The following PPP1R10 variants were observed in gnomAD, a reference collection of about 807,000 sequenced individuals.
PPP1R10 encodes the protein protein phosphatase 1 regulatory subunit 10.
PPP1R10 carries 15 observed loss-of-function variants against 99.0 expected under a neutral mutation model. The observed-to-expected ratio is 0.15, with a 90% CI of 0.10 to 0.23. The LOEUF (loss-of-function observed/expected upper bound fraction) is 0.23, where lower values mean the gene tolerates loss of function less well. Among genes scored for constraint, PPP1R10 ranks in the 10% least tolerant of loss-of-function variants. The probability of loss-of-function intolerance (pLI) is 1.00; values close to 1 mark genes in which losing one functional copy is unlikely to be tolerated. For missense variants in PPP1R10, 947 were observed against 1,259.4 expected (o/e 0.75, Z 3.75); for synonymous variants, 430 against 449.5 (o/e 0.96, Z 0.55).
chr6:30,606,454 G>T lies in PPP1R10; in HGVS notation c.634+14C>A. ...ATGCCCATGAACCCTCCAGAGGCCA[G>T]CCGCCAGTCTTACCAGTGGAACGGA... On this transcript the variant is annotated intron_variant, in intron 8 of 19. Transcript: ENST00000376511. This position sits in a 1 kb window ranked among gnomAD's most constrained non-coding sequence, Gnocchi z 6.3. 6.2e-7 allele frequency: 1 copy of T among 1,612,158 alleles called. No individual in the cohort carries two copies. Among genetic ancestry groups the T allele is most frequent in the Non-Finnish European group, 8.5e-7 (1 of 1,179,816 alleles).
Position 30,601,532 on chromosome 6 carries a change from G to A in PPP1R10, c.*17C>T. The A allele has an allele frequency of 6.2e-7, 1 of 1,606,446 alleles. No individual in the cohort carries two copies. Among genetic ancestry groups the A allele is most frequent in the African/African-American group, 1.3e-5 (1 of 74,848 alleles). ...GCAGTCCACAGGGGTTGTGTGAACA[G>A]GGCAGGCAAATGGTCCCTAGGGCAG... On this transcript the variant is annotated 3_prime_UTR_variant, in exon 20 of 20. Transcript: ENST00000376511.
chr6:30,606,296 A>G lies in PPP1R10; in HGVS notation c.635-53T>C. 1 of 1,598,298 alleles carries G rather than the reference A, an allele frequency of 6.3e-7. No homozygotes were observed. Among genetic ancestry groups the G allele is most frequent in the Non-Finnish European group, 8.6e-7 (1 of 1,168,982 alleles). ...CTGAACTCAAACCCCAGACCCCCGA[A>G]TTTTCCTCCCGTTCTCACCCGCAAA... is the stretch of plus-strand genomic sequence containing the variant. On this transcript the variant is annotated intron_variant, in intron 8 of 19. Transcript: ENST00000376511. The surrounding 1 kb of genome is among the most constrained non-coding windows in gnomAD (Gnocchi z 6.3).
Position 30,604,068 on chromosome 6 carries a change from C to A in PPP1R10, c.1448G>T (p.Arg483Leu), listed in dbSNP as rs368122781. 13 of 1,613,786 alleles carry A rather than the reference C, an allele frequency of 8.1e-6. No individual in the cohort carries two copies. The highest frequency in any genetic ancestry group is 1.1e-5 in the Non-Finnish European group (13 of 1,179,902). Residue 483 changes from arginine to leucine, a missense_variant, in exon 14 of 20, where the codon CGA (arginine) becomes CTA (leucine). This residue lies in a region of PPP1R10 where 50 missense variants were observed against 78.6 expected (regional missense o/e 0.64). Transcript: ENST00000376511. This position sits in a 1 kb window ranked among gnomAD's most constrained non-coding sequence, Gnocchi z 7.3. ...LVTPGSNSQE[R>L]YIQAEREKGI... ...CTTCTCCCGCTCAGCCTGGATATATCGCTCCTGACTATTGCTTCCAGGGGT... is the reference window on the plus strand; with the variant it reads ...CTTCTCCCGCTCAGCCTGGATATATAGCTCCTGACTATTGCTTCCAGGGGT...
rs771232598 is a variant in PPP1R10, at chr6:30,601,997, A to G, written c.2652T>C (p.Asp884=). ...GPPPHEHRGH[D]GPGHGGGGHR... is the part of the protein sequence containing the mutation. The stretch of plus-strand genomic sequence containing the variant: ...GGCCCCCTCCCCCGTGGCCAGGACC[A>G]TCATGGCCACGGTGCTCATGAGGTG... The change falls in exon 19 of 20, where the codon GAT becomes GAC. Residue 884 remains aspartate (D), a synonymous_variant. Coordinates refer to ENST00000376511, the MANE Select transcript of PPP1R10 (RefSeq NM_002714.4). The G allele has an allele frequency of 6.6e-7, 1 of 1,519,396 alleles. No homozygotes were observed. The highest frequency in any genetic ancestry group is 2.3e-5 in the East Asian group (1 of 43,962). 94.1% of individuals were successfully genotyped at this position (1,519,396 alleles called of 1,614,324 possible).
Position 30,604,443 on chromosome 6 carries a change from G to A in PPP1R10, c.1171C>T (p.Arg391Trp), listed in dbSNP as rs764595976. 11 of 1,613,042 alleles carry A rather than the reference G, an allele frequency of 6.8e-6. No homozygotes were observed. The highest frequency in any genetic ancestry group is 5.3e-5 in the African/African-American group (4 of 74,862). The part of the protein sequence containing the change: ...ESPGDPNQLT[R>W]KGRKRKSVTW... The stretch of plus-strand genomic sequence containing the variant: ...ACACTTTTCCTCTTCCTGCCTTTCC[G>A]GGTCAGTTGGTTAGGATCTCCAGGA... Residue 391 changes from arginine (R) to tryptophan (W), a missense_variant, in exon 13 of 20, where the codon CGG (arginine) becomes TGG (tryptophan). Arg to Trp is a moderately radical substitution (Grantham distance 101). Coordinates refer to ENST00000376511, the MANE Select transcript of PPP1R10 (RefSeq NM_002714.4). This position sits in a 1 kb window ranked among gnomAD's most constrained non-coding sequence, Gnocchi z 7.3.
chr6:30,604,259 C>CGACA lies in PPP1R10; in HGVS notation c.1262-6_1262-5insTGTC. ...CCTTGATCTTATTCACATTTACTGT[C>CGACA]GGCAGGGGAAGAAAAGCAAGAGGGA... On this transcript the variant is annotated splice_polypyrimidine_tract_variant and splice_region_variant and intron_variant, in intron 13 of 19. Transcript: ENST00000376511. This position sits in a 1 kb window ranked among gnomAD's most constrained non-coding sequence, Gnocchi z 7.3. The CGACA allele has an allele frequency of 1.2e-6, 2 of 1,613,966 alleles. No individual in the cohort carries two copies. Among genetic ancestry groups the CGACA allele is most frequent in the Non-Finnish European group, 1.7e-6 (2 of 1,179,852 alleles).
chr6:30,616,364 T>C (rs1276024909), intron 2 of PPP1R10, 114 bp downstream of exon 2: 2 of 152,656 alleles, frequency 1.3e-5, no homozygotes, highest in Non-Finnish European at 2.9e-5. Context: ...TTGGTCCTTC[T>C]CCAGTTCTCT....
intron 15 of PPP1R10, 44 bp from the exon 16 acceptor site, chr6:30,603,710 A>G (rs1284178861): frequency 1.9e-6 from 3 of 1,555,356 alleles, no homozygotes; most frequent in Admixed American, 2.1e-5. Context: ...GAACAGAGAC[A>G]TTCTCATATG....
intron 2 of PPP1R10, among the ~76,000 whole-genome samples, chr6:30,613,569 T>A (rs574781119): frequency 6.6e-6 from 1 of 152,152 alleles, no homozygotes; most frequent in Non-Finnish European, 1.5e-5. Context: ...ACCTGATACA[T>A]GAGCTCCTCA....
chr6:30,603,728 C>T lies in PPP1R10; in HGVS notation c.1572+52G>A, dbSNP rs376779904. ...CAGAGACATTCTCATATGAAAGATG[C>T]ACCGAATTCAATGACCATCACAACT... On this transcript the variant is annotated intron_variant, in intron 15 of 19. Transcript: ENST00000376511. 10 of 1,545,614 alleles carry T rather than the reference C, an allele frequency of 6.5e-6. No individual in the cohort carries two copies. The South Asian group carries it at 1.2e-4, about 19-fold the overall frequency.
Position 30,606,564 on chromosome 6 carries a change from C to T in PPP1R10, c.538G>A (p.Ala180Thr). The stretch of plus-strand genomic sequence containing the variant: ...GGGGCCTCCTCAGCCCGGGTCTCAG[C>T]CTTCACCTCTGTCAAAGGTCGCTCA... ...LPERPLTEVK[A>T]ETRAEEAPEK... Residue 180 changes from alanine to threonine, a missense_variant, in exon 8 of 20, where the codon GCT (alanine) becomes ACT (threonine). Ala to Thr is a moderately conservative substitution (Grantham distance 58, BLOSUM62 0). This residue lies in a region of PPP1R10 where 92 missense variants were observed against 159.2 expected (regional missense o/e 0.58). Coordinates refer to ENST00000376511, the MANE Select transcript of PPP1R10 (RefSeq NM_002714.4). The surrounding 1 kb of genome is among the most constrained non-coding windows in gnomAD (Gnocchi z 6.3). The T allele has an allele frequency of 6.2e-7, 1 of 1,614,112 alleles. No individual in the cohort carries two copies. Among genetic ancestry groups the T allele is most frequent in the Non-Finnish European group, 8.5e-7 (1 of 1,180,026 alleles).
At chr6:30,613,270 G>C (rs936811520) in intron 2 of PPP1R10, among the ~76,000 whole-genome samples, 2 of 152,138 alleles carry the variant, frequency 1.3e-5, no homozygotes, top group Non-Finnish European at 2.9e-5. Context: ...CAATGAAACA[G>C]GACTGAATTG....
chr6:30,602,031 C>T lies in PPP1R10; in HGVS notation c.2618G>A (p.Arg873Gln), dbSNP rs1224901872. 5.2e-6 allele frequency: 8 copies of T among 1,541,430 alleles called. No individual in the cohort carries two copies. The highest frequency in any genetic ancestry group is 2.3e-5 in the East Asian group (1 of 44,140). Residue 873 changes from arginine to glutamine, a missense_variant, in exon 19 of 20, where the codon CGA (arginine) becomes CAA (glutamine). Physicochemically the swap from Arg to Gln is conservative, Grantham distance 43 (BLOSUM62 1). Coordinates refer to ENST00000376511, the MANE Select transcript of PPP1R10 (RefSeq NM_002714.4). The surrounding 1 kb of genome is among the most constrained non-coding windows in gnomAD (Gnocchi z 6.7). ...DVPGHRGHDHRGPPPHEHRGH... is the reference protein window; with the variant it reads ...DVPGHRGHDHQGPPPHEHRGH... ...ACGGTGCTCATGAGGTGGCGGCCCTCGATGGTCATGGCCTCGGTGACCAGG... is the reference window on the plus strand; with the variant it reads ...ACGGTGCTCATGAGGTGGCGGCCCTTGATGGTCATGGCCTCGGTGACCAGG...
Position 30,604,145 on chromosome 6 carries a change from C to T in PPP1R10, c.1371G>A (p.Glu457=). 1.9e-6 allele frequency: 3 copies of T among 1,614,154 alleles called. No homozygotes were observed. Among genetic ancestry groups the T allele is most frequent in the South Asian group, 2.2e-5 (2 of 91,086 alleles). ...GCCGGGGGCACACCCAGGGCACCTTCTCCTCCATGTTATCATGGCTCAGAC... is the reference window on the plus strand; with the variant it reads ...GCCGGGGGCACACCCAGGGCACCTTTTCCTCCATGTTATCATGGCTCAGAC... ...ARRLSHDNME[E]KVPWVCPRPL... is the part of the protein sequence containing the mutation. Residue 457 remains glutamate, a synonymous_variant, in exon 14 of 20, where the codon GAG becomes GAA. Transcript: ENST00000376511. This position sits in a 1 kb window ranked among gnomAD's most constrained non-coding sequence, Gnocchi z 7.3.
In PPP1R10 at chr6:30,604,713, G is replaced by C. The variant is rs569378424; in HGVS notation, c.977C>G (p.Thr326Arg). The C allele has an allele frequency of 5.6e-6, 9 of 1,612,948 alleles. No individual in the cohort carries two copies. The highest frequency in any genetic ancestry group is 1.3e-5 in the African/African-American group (1 of 74,908). ...AAKPSPFEGK[T>R]STEPSTAKPS... ...TTTGGCTGTGCTTGGTTCTGTGCTC[G>C]TTTTCCCTTCAAAGGGGCTTGGCTA... Residue 326 changes from threonine to arginine, a missense_variant, in exon 12 of 20, where the codon ACG becomes AGG. By Grantham distance (71) the Thr-to-Arg change is moderately conservative. This residue lies in a region of PPP1R10 where 100 missense variants were observed against 105.8 expected (regional missense o/e 0.94). Transcript: ENST00000376511. The surrounding 1 kb of genome is among the most constrained non-coding windows in gnomAD (Gnocchi z 7.3).
chr6:30,602,901 A>G lies in PPP1R10; in HGVS notation c.1902T>C (p.Pro634=). Residue 634 remains proline, a synonymous_variant, in exon 18 of 20, where the codon CCT becomes CCC. Coordinates refer to ENST00000376511, the MANE Select transcript of PPP1R10 (RefSeq NM_002714.4). The surrounding 1 kb of genome is among the most constrained non-coding windows in gnomAD (Gnocchi z 6.7). ...AGTGCTGCATGCCCTTGGGGCCCCCAGGACCCCCTGGTGGGAAACCATTGG... is the reference window on the plus strand; with the variant it reads ...AGTGCTGCATGCCCTTGGGGCCCCCGGGACCCCCTGGTGGGAAACCATTGG... ...PIANGFPPGG[P]GGPKGMQHFP... 2 of 1,556,406 alleles carry G rather than the reference A, an allele frequency of 1.3e-6. No individual in the cohort carries two copies. Among genetic ancestry groups the G allele is most frequent in the Non-Finnish European group, 1.7e-6 (2 of 1,149,130 alleles).
chr6:30,601,920 C>A lies in PPP1R10; in HGVS notation c.2713+16G>T. On this transcript the variant is annotated intron_variant, in intron 19 of 19. Transcript: ENST00000376511. ...GGACAACCAAAAGGCATATGGGGGA[C>A]AGGGAGCATCCTCACCTCCTCCATG... The A allele has an allele frequency of 6.7e-7, 1 of 1,496,278 alleles. No homozygotes were observed. Among genetic ancestry groups the A allele is most frequent in the African/African-American group, 1.4e-5 (1 of 71,374 alleles). The allele number at this position is 1,496,278 out of a possible 1,614,324, so 92.7% of individuals were successfully genotyped here.
rs1237803251 is a variant in PPP1R10, at chr6:30,605,980, G to A, written c.796C>T (p.Leu266Phe). 6.2e-7 allele frequency: 1 copy of A among 1,614,100 alleles called. No individual in the cohort carries two copies. Among genetic ancestry groups the A allele is most frequent in the Non-Finnish European group, 8.5e-7 (1 of 1,179,992 alleles). ...TTGGTGGCATTAGGTGTTGTGTTGA[G>A]TGGCTTGTATTTCTTCTCTGCAGGG... ...TPPAEKKYKP[L>F]NTTPNATKEI... is the part of the protein sequence containing the mutation. Residue 266 changes from leucine to phenylalanine, a missense_variant, in exon 10 of 20, where the codon CTC becomes TTC. Transcript: ENST00000376511.
chr6:30,607,582 A>G (rs1804082838), intron 6 of PPP1R10, among the ~76,000 whole-genome samples: 1 of 152,222 alleles, frequency 6.6e-6, no homozygotes, highest in Non-Finnish European at 1.5e-5. Context: ...TGTGTTTTAT[A>G]ACAAGCAATT....
Sources: gnomAD v4.1 joint callset for allele counts (sites outside exome capture counted in the v4.1 genomes callset) on GRCh38, gnomAD v4.1.1 for gene constraint, gnomAD v4.1.1 regional missense constraint, Gnocchi (gnomAD v3.1) non-coding constraint, MANE v1.5 for transcripts, NCBI Gene and HGNC (gene_info 2026-07-23, HGNC 2026-07-21) for gene names.